HCFC2: variants seen among roughly 807,000 people sequenced by gnomAD.
The protein encoded by HCFC2 is host cell factor 2.
Under a neutral mutation model 89.2 loss-of-function variants are expected in HCFC2, and 18 were observed. The ratio of observed to expected loss-of-function variants is 0.20; its 90% CI spans 0.14 to 0.30. The LOEUF is 0.30. Among genes scored for constraint, HCFC2 ranks in the 10% least tolerant of loss-of-function variants. The pLI, the probability that HCFC2 is intolerant of heterozygous loss-of-function variation, is 1.00. For missense variants in HCFC2, 578 were observed against 956.1 expected, an observed-to-expected ratio of 0.60 and a Z score of 5.21; for synonymous variants, 308 against 335.7, an observed-to-expected ratio of 0.92 and a Z score of 0.90.
chr12:104,096,875 G>A (rs76113608), intron 12 of HCFC2, among the ~76,000 whole-genome samples: 7,134 of 152,134 alleles, frequency 0.047, 187 homozygotes, highest in South Asian at 0.11. Context: ...AAAAGATAAG[G>A]TGTGTTATGG....
At chr12:104,101,099 T>C (rs1216365509) in intron 13 of HCFC2, among the ~76,000 whole-genome samples, 1 of 152,178 alleles carries the variant, frequency 6.6e-6, no homozygotes, top group East Asian at 1.9e-4. Context: ...TAAAAATTGT[T>C]TGAAAGTTGT....
chr12:104,081,393 T>A (rs995089118), intron 5 of HCFC2, among the ~76,000 whole-genome samples: 1 of 152,212 alleles, frequency 6.6e-6, no homozygotes, highest in South Asian at 2.1e-4. Flanking sequence ...TTAATACATA[T>A]GAAATGCTTA....
chr12:104,066,243 T>G lies in HCFC2; in HGVS notation c.240T>G (p.Asp80Glu). 6.2e-7 allele frequency: 1 copy of G among 1,612,914 alleles called. No homozygotes were observed. Among genetic ancestry groups the G allele is most frequent in the Non-Finnish European group, 8.5e-7 (1 of 1,179,314 alleles). The change falls in exon 2 of 15, where the codon GAT (aspartate) becomes GAG (glutamate). Residue 80 changes from aspartate to glutamate, a missense_variant. This residue lies in a region of HCFC2 where 206 missense variants were observed against 419.2 expected (regional missense o/e 0.49). Coordinates refer to ENST00000229330, the MANE Select transcript of HCFC2 (RefSeq NM_013320.3). ...GTGCTGCCCATGGATTTGTCTGTGA[T>G]GGTACCAGAATATTAGTATTTGGGG... ...PGCAAHGFVC[D>E]GTRILVFGGM...
chr12:104,099,617 TA>T (rs899908984), intron 13 of HCFC2, among the ~76,000 whole-genome samples: 400 of 144,216 alleles, frequency 2.8e-3, no homozygotes, highest in African/African-American at 5.9e-3. Flanking sequence ...TCTCTAAATT[TA>T]AAAAAAAAAA....
In HCFC2 at chr12:104,095,490, T is replaced by G. The variant is rs773418052; in HGVS notation, c.1593T>G (p.Thr531=). The G allele has an allele frequency of 6.2e-7, 1 of 1,613,752 alleles. No homozygotes were observed. The highest frequency in any genetic ancestry group is 8.5e-7 in the Non-Finnish European group (1 of 1,179,762). The change falls in exon 11 of 15, where the codon ACT becomes ACG. Residue 531 remains threonine (T), a synonymous_variant. Coordinates refer to ENST00000229330, the MANE Select transcript of HCFC2 (RefSeq NM_013320.3). This position sits in a 1 kb window ranked among gnomAD's most constrained non-coding sequence, Gnocchi z 4.2. The part of the protein sequence containing the change: ...QTMVTQQTIK[T]ESSSTNGAVV... The stretch of plus-strand genomic sequence containing the variant: ...TGGTAACCCAGCAGACCATTAAAAC[T>G]GAATCATCCAGTACAAATGGGGCAG...
rs771532784 is a variant in HCFC2, at chr12:104,096,423, C to T, written c.1730C>T (p.Thr577Met). The T allele has an allele frequency of 9.3e-6, 15 of 1,606,020 alleles. No homozygotes were observed. The highest frequency in any genetic ancestry group is 3.3e-4 in the Middle Eastern group (2 of 6,054). The change falls in exon 12 of 15, where the codon ACG becomes ATG. Residue 577 changes from threonine (T) to methionine (M), a missense_variant. Physicochemically the swap from Thr to Met is moderately conservative, Grantham distance 81 (BLOSUM62 -1). This residue lies in a region of HCFC2 where 140 missense variants were observed against 266.4 expected (regional missense o/e 0.53). Transcript: ENST00000229330. The stretch of plus-strand genomic sequence containing the variant: ...CGTGTAGAGACACATGCTACAGCAA[C>T]GCCGTTTTCTGTAAGTACATGACCT... ...ISRVETHATATPFSKETPSNP... is the reference protein window; with the variant it reads ...ISRVETHATAMPFSKETPSNP...
intron 3 of HCFC2, among the ~76,000 whole-genome samples, chr12:104,070,051 C>T (rs1883271343): frequency 6.6e-6 from 1 of 151,942 alleles, no homozygotes; most frequent in Non-Finnish European, 1.5e-5. Flanking sequence ...GAGACAGAAT[C>T]TCGCTCTGTC....
chr12:104,077,311 C>T (rs188035336), intron 3 of HCFC2, among the ~76,000 whole-genome samples: 3 of 151,660 alleles, frequency 2.0e-5, no homozygotes, highest in East Asian at 3.9e-4. Flanking sequence ...CATGCGATCT[C>T]GGCTCACCGC....
intron 5 of HCFC2, among the ~76,000 whole-genome samples, chr12:104,082,014 G>A (rs1011697659): frequency 2.0e-5 from 3 of 151,574 alleles, no homozygotes; most frequent in Non-Finnish European, 4.4e-5. Context: ...TTCTCTTCCA[G>A]CAGCCATCAG....
chr12:104,086,275 G>A (rs979736985), intron 7 of HCFC2, among the ~76,000 whole-genome samples: 16 of 152,060 alleles, frequency 1.1e-4, no homozygotes, highest in Non-Finnish European at 1.6e-4. Flanking sequence ...GGTAGTACAA[G>A]TCTTGATAAG....
At position 104,064,805 on chromosome 12, in the gene HCFC2, A is replaced by T; in HGVS notation, c.163+82A>T. 7.6e-7 allele frequency: 1 copy of T among 1,311,674 alleles called. No homozygotes were observed. Among genetic ancestry groups the T allele is most frequent in the South Asian group, 1.5e-5 (1 of 66,542 alleles). The allele number at this position is 1,311,674 out of a possible 1,614,324, so 81.3% of individuals were successfully genotyped here. Reference sequence around the variant, plus strand: ...AGGCGAGGCGGCGGCCGCGGCCCTGACAGCTGTCACCGCCCGGTCACTGCT... The same window carrying T: ...AGGCGAGGCGGCGGCCGCGGCCCTGTCAGCTGTCACCGCCCGGTCACTGCT... On this transcript the variant is annotated intron_variant, in intron 1 of 14. Coordinates refer to ENST00000229330, the MANE Select transcript of HCFC2 (RefSeq NM_013320.3). The surrounding 1 kb of genome is among the most constrained non-coding windows in gnomAD (Gnocchi z 7.3).
At chr12:104,088,251 GCT>G (rs1883924002) in intron 9 of HCFC2, among the ~76,000 whole-genome samples, 1 of 152,188 alleles carries the variant, frequency 6.6e-6, no homozygotes, top group South Asian at 2.1e-4. Context: ...TGCCCAGGTA[GCT>G]CTGTTTTTGA....
intron 12 of HCFC2, 198 bp from the exon 13 acceptor site, chr12:104,098,145 A>G (rs1455541259): frequency 6.7e-6 from 3 of 450,320 alleles, no homozygotes; most frequent in African/African-American, 2.0e-5. Context: ...AATGCCTGTC[A>G]CTCCTGTGTT....
rs764203945 is a variant in HCFC2 at position 104,103,298 on chromosome 12, G to A, written c.*25G>A. 2 of 1,553,684 alleles carry A rather than the reference G, an allele frequency of 1.3e-6. No homozygotes were observed. The highest frequency in any genetic ancestry group is 1.7e-4 in the Middle Eastern group (1 of 5,866). On this transcript the variant is annotated 3_prime_UTR_variant, in exon 15 of 15. Coordinates refer to ENST00000229330, the MANE Select transcript of HCFC2 (RefSeq NM_013320.3). ...AATTGGTTTTTTTACTGAAGCTATT[G>A]TGATGATGATTATTTATTAGTAACT...
chr12:104,078,165 A>G (rs1208044545), intron 3 of HCFC2, among the ~76,000 whole-genome samples: 3 of 151,796 alleles, frequency 2.0e-5, no homozygotes, highest in African/African-American at 7.3e-5. Flanking sequence ...CACCCAGCTA[A>G]TTTTTTGTAT....
At chr12:104,078,197 T>C (rs1447720451) in intron 3 of HCFC2, among the ~76,000 whole-genome samples, 1 of 152,124 alleles carries the variant, frequency 6.6e-6, no homozygotes, top group Non-Finnish European at 1.5e-5. Flanking sequence ...GAGACAGAGT[T>C]TCACCGTGTT....
intron 3 of HCFC2, among the ~76,000 whole-genome samples, chr12:104,076,569 A>G (rs934700628): frequency 2.6e-5 from 4 of 152,220 alleles, no homozygotes; most frequent in African/African-American, 7.2e-5. Context: ...CATAGCTTAT[A>G]CTTAGATTTG....
Position 104,066,192 on chromosome 12 carries a change from T to C in HCFC2, c.189T>C (p.Ala63=). Residue 63 remains alanine, a synonymous_variant, in exon 2 of 15, where the codon GCT becomes GCC. Transcript: ENST00000229330. The part of the protein sequence containing the change: ...NTATNQWFLP[A]VRGDIPPGCA... The stretch of plus-strand genomic sequence containing the variant: ...CTACGAATCAGTGGTTTCTGCCAGC[T>C]GTTAGAGGAGATATCCCTCCAGGCT... 6.2e-7 allele frequency: 1 copy of C among 1,613,428 alleles called. No individual in the cohort carries two copies. The highest frequency in any genetic ancestry group is 8.5e-7 in the Non-Finnish European group (1 of 1,179,818).
intron 7 of HCFC2, among the ~76,000 whole-genome samples, chr12:104,083,954 T>G (rs1012702094): frequency 6.6e-6 from 1 of 151,876 alleles, no homozygotes; most frequent in Non-Finnish European, 1.5e-5. Context: ...AGCCCAGGAG[T>G]CTGAGTCTAC....
Sources: allele counts gnomAD v4.1 joint callset (sites outside exome capture counted in the v4.1 genomes callset), GRCh38; gene constraint gnomAD v4.1.1; regional missense constraint gnomAD v4.1.1; non-coding constraint Gnocchi (gnomAD v3.1); transcripts MANE v1.5; gene names NCBI Gene and HGNC (gene_info 2026-07-23, HGNC 2026-07-21).